The following C8orf34 variants were observed in gnomAD, a reference collection of about 807,000 sequenced individuals.
The protein encoded by C8orf34 is chromosome 8 open reading frame 34, also known as uncharacterized protein C8orf34.
A neutral mutation model predicts 68.3 loss-of-function variants in C8orf34; 65 were observed. The observed-to-expected ratio is 0.95, with a 90% confidence interval of 0.78 to 1.17. The LOEUF is 1.17. Among genes scored for constraint, C8orf34 ranks in the 50% most tolerant of loss-of-function variants. The pLI is 0.00. For synonymous variants in C8orf34, 244 were observed against 241.2 expected (o/e 1.01, Z -0.11); for missense variants, 664 against 655.4 (o/e 1.01, Z -0.14).
chr8:68,674,136 C>G lies in C8orf34; in HGVS notation c.1241+33625C>G, dbSNP rs376552999. On this transcript the variant is annotated intron_variant, in intron 8 of 13. Coordinates refer to ENST00000518698, the MANE Select transcript of C8orf34 (RefSeq NM_052958.4). ...GACCAAAAATGTAGATGACAACACC[C>G]AAGTCCCCTCAAATACCTGGAAACC... Among the ~76,000 whole-genome samples the G allele has an allele frequency of 6.6e-5, 10 of 152,256 alleles. No individual in the cohort carries two copies. In the East Asian group the frequency reaches 1.9e-3, roughly 29 times the overall value.
intron 7 of C8orf34, chr8:68,535,771 C>T: frequency 8.3e-6 from 8 of 958,834 alleles, no homozygotes; most frequent in Non-Finnish European, 9.9e-6. Flanking sequence ...ATTCACATTG[C>T]AAAAGTAACT....
At chr8:68,396,624 A>G (rs1808718999) in intron 1 of C8orf34, among the ~76,000 whole-genome samples, 1 of 146,504 alleles carries the variant, frequency 6.8e-6, no homozygotes, top group South Asian at 2.3e-4. Flanking sequence ...TTTGGGCAAT[A>G]GAAGTGGATC....
At chr8:68,539,749 G>T (rs1214194149) in intron 7 of C8orf34, among the ~76,000 whole-genome samples, 1 of 151,896 alleles carries the variant, frequency 6.6e-6, no homozygotes, top group Non-Finnish European at 1.5e-5. Flanking sequence ...AGCTACTCGG[G>T]ACACTGAGGC....
In C8orf34 at chr8:68,418,644, C is replaced by T. The variant is rs370683446; in HGVS notation, c.328-20855C>T. Among the ~76,000 whole-genome samples the T allele has an allele frequency of 7.9e-5, 12 of 152,082 alleles. No individual in the cohort carries two copies. The East Asian group carries it at 1.4e-3, about 17-fold the overall frequency. ...GTACCAAAACAGAGATATAGATCAA[C>T]GGAACAGAACAGAGCCCTCAGGAAT... is the stretch of plus-strand genomic sequence containing the variant. On this transcript the variant is annotated intron_variant, in intron 1 of 13. Transcript: ENST00000518698.
At chr8:68,624,348 T>C (rs1818474440) in intron 7 of C8orf34, among the ~76,000 whole-genome samples, 1 of 151,804 alleles carries the variant, frequency 6.6e-6, no homozygotes, top group African/African-American at 2.4e-5. Flanking sequence ...TTGGTATGAA[T>C]TGAAACACAG....
intron 8 of C8orf34, among the ~76,000 whole-genome samples, chr8:68,707,772 T>G (rs1821212734): frequency 6.6e-6 from 1 of 152,116 alleles, no homozygotes; most frequent in Non-Finnish European, 1.5e-5. Flanking sequence ...AATATCCCAA[T>G]GTGTTGGAGC....
At chr8:68,398,641 GTACACTTTAACTTA>G (rs1298415780) in intron 1 of C8orf34, among the ~76,000 whole-genome samples, 1 of 151,976 alleles carries the variant, frequency 6.6e-6, no homozygotes, top group Non-Finnish European at 1.5e-5. Context: ...ATATTATGTT[GTACACTTTAACTTA>G]TACACTAAAA....
chr8:68,557,509 AC>A (rs1816290202), intron 7 of C8orf34, among the ~76,000 whole-genome samples: 1 of 152,154 alleles, frequency 6.6e-6, no homozygotes, highest in Non-Finnish European at 1.5e-5. Context: ...ATCAAACAAA[AC>A]CATTATTATA....
chr8:68,342,635 G>A (rs545200739), intron 1 of C8orf34, among the ~76,000 whole-genome samples: 2 of 152,120 alleles, frequency 1.3e-5, no homozygotes, highest in African/African-American at 2.4e-5. Context: ...GTCTAACCCT[G>A]TCCCACTCGA....
chr8:68,360,599 T>C (rs1806941363), intron 1 of C8orf34, among the ~76,000 whole-genome samples: 1 of 152,132 alleles, frequency 6.6e-6, no homozygotes, highest in Non-Finnish European at 1.5e-5. Flanking sequence ...GCAGCATTCT[T>C]GGACCTTCAA....
chr8:68,634,634 G>A (rs1818784081), intron 7 of C8orf34, among the ~76,000 whole-genome samples: 1 of 152,032 alleles, frequency 6.6e-6, no homozygotes, highest in Admixed American at 6.6e-5. Context: ...GACCTAGATT[G>A]TATTTTATTT....
chr8:68,613,516 A>G (rs1378299661), intron 7 of C8orf34, among the ~76,000 whole-genome samples: 1 of 139,954 alleles, frequency 7.1e-6, no homozygotes, highest in East Asian at 2.1e-4. Context: ...TTCAATTCCC[A>G]TCTATGAGTG....
intron 7 of C8orf34, among the ~76,000 whole-genome samples, chr8:68,584,144 T>C (rs920951792): frequency 2.6e-5 from 4 of 152,156 alleles, no homozygotes; most frequent in African/African-American, 9.7e-5. Flanking sequence ...ATATTTACTT[T>C]TATGTGCCTA....
At chr8:68,533,750 G>T in intron 7 of C8orf34, 1 of 950,636 alleles carries the variant, frequency 1.1e-6, no homozygotes, top group Non-Finnish European at 1.3e-6. Flanking sequence ...GTATGTTTTT[G>T]CTTCATCAGA....
intron 1 of C8orf34, among the ~76,000 whole-genome samples, chr8:68,429,277 G>A (rs1378203683): frequency 6.6e-6 from 1 of 152,134 alleles, no homozygotes; most frequent in Non-Finnish European, 1.5e-5. Context: ...GAGGGTATCT[G>A]AAGGACCATT....
intron 2 of C8orf34, among the ~76,000 whole-genome samples, chr8:68,443,330 A>T (rs1032808063): frequency 6.6e-6 from 1 of 152,172 alleles, no homozygotes; most frequent in African/African-American, 2.4e-5. Flanking sequence ...TTATAATTGA[A>T]TGATGGTAAA....
At chr8:68,442,669 T>A (rs535238515) in intron 2 of C8orf34, among the ~76,000 whole-genome samples, 153 of 152,250 alleles carry the variant, frequency 1.0e-3, no homozygotes, top group Non-Finnish European at 2.0e-3. Flanking sequence ...ATATTTGAGA[T>A]CAAGATGTTT....
chr8:68,500,217 A>G lies in C8orf34; in HGVS notation c.765+12166A>G, dbSNP rs189512868. On this transcript the variant is annotated intron_variant, in intron 5 of 13. Transcript: ENST00000518698. Reference sequence around the variant, plus strand: ...AACAAAAATGGCCTAACAGAAATATATCACTTCTGTGTTATTCTTTCCAAA... The same window carrying G: ...AACAAAAATGGCCTAACAGAAATATGTCACTTCTGTGTTATTCTTTCCAAA... Among the ~76,000 whole-genome samples the G allele has an allele frequency of 3.2e-3, 494 of 152,328 alleles. 4 individuals are homozygous for G. Among genetic ancestry groups the G allele is most frequent in the Non-Finnish European group, 5.9e-3 (403 of 68,028 alleles).
chr8:68,639,461 C>T (rs1354837552), intron 7 of C8orf34, among the ~76,000 whole-genome samples: 1 of 151,742 alleles, frequency 6.6e-6, no homozygotes, highest in African/African-American at 2.4e-5. Flanking sequence ...GTGCAATCCT[C>T]CTGATTGTTT....
Sources: allele counts gnomAD v4.1 joint callset (sites outside exome capture counted in the v4.1 genomes callset), GRCh38; gene constraint gnomAD v4.1.1; transcripts MANE v1.5; gene names NCBI Gene and HGNC (gene_info 2026-07-23, HGNC 2026-07-21).